PTPRK: variants seen among roughly 807,000 people sequenced by gnomAD.
PTPRK encodes receptor-type tyrosine-protein phosphatase kappa.
A neutral mutation model predicts 178.0 loss-of-function variants in PTPRK; 75 were observed. The ratio of observed to expected loss-of-function variants is 0.42; its 90% CI spans 0.35 to 0.51. The LOEUF (loss-of-function observed/expected upper bound fraction) is 0.51, where lower values mean the gene tolerates loss of function less well. Among genes scored for constraint, PTPRK ranks in the 20% least tolerant of loss-of-function variants. PTPRK has a pLI of 0.02. For missense variants in PTPRK, 1,441 were observed against 1,797.8 expected (o/e 0.80, Z 3.59); for synonymous variants, 637 against 620.6 (o/e 1.03, Z -0.39).
intron 11 of PTPRK, among the ~76,000 whole-genome samples, chr6:128,070,639 T>C (rs1782655721): frequency 6.6e-6 from 1 of 151,906 alleles, no homozygotes; most frequent in Admixed American, 6.6e-5. Context: ...GGAGATAACC[T>C]GGTCACCGCA....
chr6:128,078,296 C>A (rs1784194575), intron 11 of PTPRK, among the ~76,000 whole-genome samples: 1 of 151,964 alleles, frequency 6.6e-6, no homozygotes, highest in Non-Finnish European at 1.5e-5. Context: ...GAAAAACTAA[C>A]AAACCAAAGG....
intron 1 of PTPRK, among the ~76,000 whole-genome samples, chr6:128,454,603 C>T (rs763553239): frequency 9.9e-5 from 15 of 152,140 alleles, no homozygotes; most frequent in Non-Finnish European, 2.1e-4. Flanking sequence ...AAAACATTTT[C>T]ATCACCCCAA....
At chr6:128,436,000 AT>A (rs34459447) in intron 1 of PTPRK, among the ~76,000 whole-genome samples, 99,522 of 140,806 alleles carry the variant, frequency 0.71, 34,971 homozygotes, top group East Asian at 0.96. Flanking sequence ...GAAAAAAAAA[AT>A]ATATATATAT....
chr6:128,016,043 T>C (rs1004526975), intron 13 of PTPRK, among the ~76,000 whole-genome samples: 2 of 151,834 alleles, frequency 1.3e-5, no homozygotes, highest in South Asian at 2.1e-4. Context: ...ATGCTCAGTA[T>C]ATAGCTTTGA....
chr6:128,009,032 G>A (rs954459672), intron 14 of PTPRK, 98 bp downstream of exon 14: 5 of 1,135,926 alleles, frequency 4.4e-6, no homozygotes, highest in African/African-American at 1.6e-5. Context: ...TTTTCTTCCT[G>A]TTGTTTGTTC....
intron 3 of PTPRK, among the ~76,000 whole-genome samples, chr6:128,261,617 GTA>G (rs1289291471): frequency 6.6e-6 from 1 of 152,092 alleles, no homozygotes; most frequent in African/African-American, 2.4e-5. Context: ...AAAATGTTCT[GTA>G]TCTGTCTACA....
At chr6:128,047,825 G>C (rs1312161279) in intron 13 of PTPRK, among the ~76,000 whole-genome samples, 1 of 151,704 alleles carries the variant, frequency 6.6e-6, no homozygotes, top group African/African-American at 2.4e-5. Context: ...TACTAGTAGT[G>C]ATTTCCATAA....
In PTPRK at chr6:128,466,090, G is replaced by A. The variant is rs757668241; in HGVS notation, c.100+54169C>T. ...CCTGCCTAGGAAGCAAGTCATACTT[G>A]TTACTATGACTTGTTACTCAGTTGT... On this transcript the variant is annotated intron_variant, in intron 1 of 29. Transcript: ENST00000368226. Among the ~76,000 whole-genome samples the A allele has an allele frequency of 5.1e-4, 77 of 152,254 alleles. 1 individual carries two copies. The Middle Eastern group carries it at 0.01, about 20-fold the overall frequency.
At chr6:128,476,866 G>A (rs1391121189) in intron 1 of PTPRK, among the ~76,000 whole-genome samples, 2 of 150,524 alleles carry the variant, frequency 1.3e-5, no homozygotes, top group Admixed American at 1.3e-4. Flanking sequence ...ACGAGTATGG[G>A]TACTTTCTAA....
chr6:128,403,565 A>C (rs961303885), intron 1 of PTPRK, among the ~76,000 whole-genome samples: 1 of 151,624 alleles, frequency 6.6e-6, no homozygotes, highest in Non-Finnish European at 1.5e-5. Context: ...TCAAGCTCCT[A>C]ACACCCAACA....
At chr6:128,272,643 T>C (rs1820038607) in intron 3 of PTPRK, among the ~76,000 whole-genome samples, 1 of 152,056 alleles carries the variant, frequency 6.6e-6, no homozygotes. Context: ...GAAATGCAAA[T>C]CAAAACCTCA....
At chr6:128,262,528 T>G (rs960940886) in intron 3 of PTPRK, among the ~76,000 whole-genome samples, 1 of 152,042 alleles carries the variant, frequency 6.6e-6, no homozygotes, top group East Asian at 1.9e-4. Flanking sequence ...TTACTTAATC[T>G]TTCATATAGG....
chr6:128,108,382 C>T (rs1009110733), intron 7 of PTPRK, among the ~76,000 whole-genome samples: 9 of 152,060 alleles, frequency 5.9e-5, no homozygotes, highest in Non-Finnish European at 1.2e-4. Flanking sequence ...CAACAAGGTA[C>T]GTACTATGTG....
chr6:128,439,903 G>T (rs1846069255), intron 1 of PTPRK, among the ~76,000 whole-genome samples: 1 of 152,164 alleles, frequency 6.6e-6, no homozygotes, highest in Non-Finnish European at 1.5e-5. Flanking sequence ...CAAGAAAGAA[G>T]AATATCCCAC....
At position 127,969,121 on chromosome 6, in the gene PTPRK, C is replaced by CAT. The variant is rs1773650226; in HGVS notation, c.*1104_*1105dup. On this transcript the variant is annotated 3_prime_UTR_variant, in exon 30 of 30. Coordinates refer to ENST00000368226, the MANE Select transcript of PTPRK (RefSeq NM_002844.4). ...GTTTGCTCAAATTTGACCCTGAAAG[C>CAT]ATATATGTTGCCATCTTGTTTTCTT... 6.6e-6 allele frequency: 1 copy of CAT among 152,172 alleles called. No homozygotes were observed. Among genetic ancestry groups the CAT allele is most frequent in the Non-Finnish European group, 1.5e-5 (1 of 68,030 alleles). 9.4% of individuals were successfully genotyped at this position (152,172 alleles called of 1,614,324 possible).
chr6:128,344,789 T>C (rs1832183329), intron 2 of PTPRK, among the ~76,000 whole-genome samples: 1 of 152,186 alleles, frequency 6.6e-6, no homozygotes, highest in African/African-American at 2.4e-5. Context: ...GTGCTGAGAC[T>C]ACAGGCATGA....
At chr6:128,419,805 A>C (rs1164603007) in intron 1 of PTPRK, among the ~76,000 whole-genome samples, 1 of 152,184 alleles carries the variant, frequency 6.6e-6, no homozygotes. Context: ...TTATGTTCCC[A>C]ACAAAAAAAC....
chr6:128,215,630 C>G (rs1452253711), intron 6 of PTPRK, among the ~76,000 whole-genome samples: 1 of 151,972 alleles, frequency 6.6e-6, no homozygotes, highest in Non-Finnish European at 1.5e-5. Flanking sequence ...TAGATCAATA[C>G]TCTTCAGCAT....
At chr6:128,443,978 G>A (rs1025283302) in intron 1 of PTPRK, among the ~76,000 whole-genome samples, 14 of 151,974 alleles carry the variant, frequency 9.2e-5, no homozygotes, top group African/African-American at 2.2e-4. Flanking sequence ...TCAGACTCAC[G>A]AGTAGCTGGG....
Sources: gnomAD v4.1 joint callset for allele counts (sites outside exome capture counted in the v4.1 genomes callset) on GRCh38, gnomAD v4.1.1 for gene constraint, MANE v1.5 for transcripts, NCBI Gene and HGNC (gene_info 2026-07-23, HGNC 2026-07-21) for gene names.